ZMIZ2: variants seen among roughly 807,000 people sequenced by gnomAD.
The protein encoded by ZMIZ2 is zinc finger MIZ domain-containing protein 2.
In ZMIZ2, 26 loss-of-function variants were observed where a neutral mutation model predicts 93.9. The observed-to-expected ratio is 0.28, with a 90% CI of 0.20 to 0.38. The LOEUF (loss-of-function observed/expected upper bound fraction) is 0.38, where lower values mean the gene tolerates loss of function less well. Ranked by LOEUF, ZMIZ2 falls within the 10% of genes least tolerant of loss-of-function variation. The pLI, the probability that ZMIZ2 is intolerant of heterozygous loss-of-function variation, is 1.00. For missense variants in ZMIZ2, 1,023 were observed against 1,235.0 expected (o/e 0.83, Z 2.57); for synonymous variants, 485 against 516.4 (o/e 0.94, Z 0.82).
chr7:44,759,097 A>AAC (rs1554321208), intron 6 of ZMIZ2, among the ~76,000 whole-genome samples, 184 bp from the exon 7 acceptor site: 10 of 147,734 alleles, frequency 6.8e-5, no homozygotes, highest in African/African-American at 9.9e-5. Flanking sequence ...AAAAAAAAAA[A>AAC]AAAAAAAAAA....
At chr7:44,756,650 A>G (rs1790620508) in intron 3 of ZMIZ2, 111 bp downstream of exon 3, 2 of 1,187,562 alleles carry the variant, frequency 1.7e-6, no homozygotes, top group Admixed American at 2.0e-5. Flanking sequence ...AGGTGAGGAC[A>G]GAGAGGCTGA....
rs1366610886 is a variant in ZMIZ2 at position 44,760,193 on chromosome 7, G to A, written c.1036G>A (p.Gly346Ser). 2 of 1,613,578 alleles carry A rather than the reference G, an allele frequency of 1.2e-6. No individual in the cohort carries two copies. The highest frequency in any genetic ancestry group is 2.2e-5 in the South Asian group (2 of 91,064). ...CGGGCAGGGCGCCAGCTTCAACGGG[G>A]GCAGCGTCAGCTACAGCCAACCTGG... ...FNGQGASFNGGSVSYSQPGLS... is the reference protein window; with the variant it reads ...FNGQGASFNGSSVSYSQPGLS... Residue 346 changes from glycine (G) to serine (S), a missense_variant, in exon 8 of 19, where the codon GGC becomes AGC. By Grantham distance (56) the Gly-to-Ser change is moderately conservative. Coordinates refer to ENST00000309315, the MANE Select transcript of ZMIZ2 (RefSeq NM_031449.4).
chr7:44,760,302 G>A (rs926248632), intron 8 of ZMIZ2, 74 bp downstream of exon 8: 2 of 1,566,388 alleles, frequency 1.3e-6, no homozygotes, highest in Non-Finnish European at 1.7e-6. Flanking sequence ...GACCGGGCAG[G>A]CACCCCTGGG....
At chr7:44,755,770 C>T (rs1314918636) in intron 1 of ZMIZ2, among the ~76,000 whole-genome samples, 1 of 152,156 alleles carries the variant, frequency 6.6e-6, no homozygotes. Context: ...TCCTTCACCC[C>T]AGGGCCTTCT....
rs1791398663 is a variant in ZMIZ2 at position 44,763,438 on chromosome 7, C to T, written c.1860+25C>T. On this transcript the variant is annotated intron_variant, in intron 13 of 18. Coordinates refer to ENST00000309315, the MANE Select transcript of ZMIZ2 (RefSeq NM_031449.4). The surrounding 1 kb of genome is among the most constrained non-coding windows in gnomAD (Gnocchi z 5.6). ...GGTAGGTGGTTACTGCAGAGTCTTG[C>T]CGGAATTTGCTGCTGCTAAAATATC... 1 of 1,611,556 alleles carries T rather than the reference C, an allele frequency of 6.2e-7. No individual in the cohort carries two copies. Among genetic ancestry groups the T allele is most frequent in the East Asian group, 2.2e-5 (1 of 44,812 alleles).
intron 1 of ZMIZ2, among the ~76,000 whole-genome samples, chr7:44,753,961 T>C (rs1224775673): frequency 6.6e-6 from 1 of 152,224 alleles, no homozygotes; most frequent in Non-Finnish European, 1.5e-5. Flanking sequence ...TCTCGCACCT[T>C]TGTCAGACAT....
Position 44,756,546 on chromosome 7 carries a change from A to G in ZMIZ2, c.165+7A>G, listed in dbSNP as rs1245424790. On this transcript the variant is annotated splice_region_variant and intron_variant, in intron 3 of 18. Coordinates refer to ENST00000309315, the MANE Select transcript of ZMIZ2 (RefSeq NM_031449.4). ...CAACGCGACACAGAGCCAGGTAAGC[A>G]CCCACTGGTGCCCCACCCCCGAGCA... The G allele has an allele frequency of 6.2e-7, 1 of 1,613,812 alleles. No homozygotes were observed.
chr7:44,759,189 C>T (rs1404345049), intron 6 of ZMIZ2, 92 bp from the exon 7 acceptor site: 4 of 1,248,908 alleles, frequency 3.2e-6, no homozygotes, highest in Admixed American at 3.0e-5. Flanking sequence ...CTCCATTCCC[C>T]GAACCCTGCC....
Position 44,761,761 on chromosome 7 carries a change from A to T in ZMIZ2, c.1452A>T (p.Pro484=), listed in dbSNP as rs1283665812. ...HEDRQMNTNW[P]ASVQVSVNAT... ...ACCGGCAGATGAACACCAACTGGCC[A>T]GCCTCGGTGCAGGTCAGCGTCAATG... The change falls in exon 11 of 19, where the codon CCA becomes CCT. Residue 484 remains proline (P), a synonymous_variant. Coordinates refer to ENST00000309315, the MANE Select transcript of ZMIZ2 (RefSeq NM_031449.4). This position sits in a 1 kb window ranked among gnomAD's most constrained non-coding sequence, Gnocchi z 5.8. The T allele has an allele frequency of 6.2e-7, 1 of 1,614,002 alleles. No individual in the cohort carries two copies. The highest frequency in any genetic ancestry group is 8.5e-7 in the Non-Finnish European group (1 of 1,180,006).
Position 44,766,533 on chromosome 7 carries a change from C to A in ZMIZ2, c.2525C>A (p.Pro842Gln). 6.2e-7 allele frequency: 1 copy of A among 1,614,104 alleles called. No individual in the cohort carries two copies. The highest frequency in any genetic ancestry group is 8.5e-7 in the Non-Finnish European group (1 of 1,180,036). ...GPQLHHSNPP[P>Q]ASRQSLGQAS... The stretch of plus-strand genomic sequence containing the variant: ...CAGCTGCACCATTCAAACCCTCCCC[C>A]AGCGTCCCGGCAGTCCTTGGGCCAA... The change falls in exon 18 of 19, where the codon CCA (proline) becomes CAA (glutamine). Residue 842 changes from proline (P) to glutamine (Q), a missense_variant. This residue lies in a region of ZMIZ2 where 319 missense variants were observed against 358.8 expected (regional missense o/e 0.89). Coordinates refer to ENST00000309315, the MANE Select transcript of ZMIZ2 (RefSeq NM_031449.4). The surrounding 1 kb of genome is among the most constrained non-coding windows in gnomAD (Gnocchi z 4.4).
At position 44,764,484 on chromosome 7, in the gene ZMIZ2, C is replaced by T; in HGVS notation, c.1926C>T (p.Cys642=). Residue 642 remains cysteine (C), a splice_region_variant and synonymous_variant, in exon 14 of 19, where the codon TGC becomes TGT. Coordinates refer to ENST00000309315, the MANE Select transcript of ZMIZ2 (RefSeq NM_031449.4). The part of the protein sequence containing the change: ...CERGTWRCPV[C]NKTALLEGLE... ...GGGGGACTTGGAGGTGTCCTGTGTG[C>T]AAGTGAGTCTCAGATGCAGCGTGTG... is the stretch of plus-strand genomic sequence containing the variant. 6.2e-7 allele frequency: 1 copy of T among 1,614,118 alleles called. No homozygotes were observed. Among genetic ancestry groups the T allele is most frequent in the Non-Finnish European group, 8.5e-7 (1 of 1,179,994 alleles).
At position 44,763,394 on chromosome 7, in the gene ZMIZ2, A is replaced by G; in HGVS notation, c.1841A>G (p.His614Arg). Residue 614 changes from histidine to arginine, a missense_variant, in exon 13 of 19, where the codon CAT becomes CGT. Around this residue, in one of 3 missense-constraint regions of ZMIZ2, gnomAD observed 48 missense variants for 99.1 expected, o/e 0.48. Coordinates refer to ENST00000309315, the MANE Select transcript of ZMIZ2 (RefSeq NM_031449.4). The surrounding 1 kb of genome is among the most constrained non-coding windows in gnomAD (Gnocchi z 5.6). ...FRRIQLPARG[H>R]DCRHIQCFDL... Reference sequence around the variant, plus strand: ...AGGATCCAGCTCCCTGCCCGAGGTCATGACTGTCGCCACATACAGGTAGGT... The same window carrying G: ...AGGATCCAGCTCCCTGCCCGAGGTCGTGACTGTCGCCACATACAGGTAGGT... 1 of 1,614,070 alleles carries G rather than the reference A, an allele frequency of 6.2e-7. No homozygotes were observed. The highest frequency in any genetic ancestry group is 8.5e-7 in the Non-Finnish European group (1 of 1,179,998).
rs1026333581 is a variant in ZMIZ2, at chr7:44,765,158, G to A, written c.1997+149G>A. 25 of 1,435,940 alleles carry A rather than the reference G, an allele frequency of 1.7e-5. No homozygotes were observed. Among genetic ancestry groups the A allele is most frequent in the Non-Finnish European group, 2.4e-5 (25 of 1,051,738 alleles). 88.9% of individuals were successfully genotyped at this position (1,435,940 alleles called of 1,614,324 possible). A position where few individuals can be genotyped will look rare whatever the true frequency, so the allele number is the denominator to read the frequency against. Reference sequence around the variant, plus strand: ...ATTCCAGGCCAGAGACAGCGTGTGTGTCCTACCTGAGTGTTGGTGCTGGGC... The same window carrying A: ...ATTCCAGGCCAGAGACAGCGTGTGTATCCTACCTGAGTGTTGGTGCTGGGC... On this transcript the variant is annotated intron_variant, in intron 15 of 18. Coordinates refer to ENST00000309315, the MANE Select transcript of ZMIZ2 (RefSeq NM_031449.4). This position sits in a 1 kb window ranked among gnomAD's most constrained non-coding sequence, Gnocchi z 4.1.
Position 44,760,590 on chromosome 7 carries a change from T to C in ZMIZ2, c.1237T>C (p.Ser413Pro). 1 of 1,613,606 alleles carries C rather than the reference T, an allele frequency of 6.2e-7. No individual in the cohort carries two copies. The highest frequency in any genetic ancestry group is 8.5e-7 in the Non-Finnish European group (1 of 1,179,892). The change falls in exon 9 of 19, where the codon TCT (serine) becomes CCT (proline). Residue 413 changes from serine to proline, a missense_variant. Physicochemically the swap from Ser to Pro is moderately conservative, Grantham distance 74 (BLOSUM62 -1). This residue lies in a region of ZMIZ2 where 656 missense variants were observed against 777.1 expected (regional missense o/e 0.84). Coordinates refer to ENST00000309315, the MANE Select transcript of ZMIZ2 (RefSeq NM_031449.4). ...PNLNSLHSSP[S>P]GSGPCDELRL... ...CCTCAACTCCTTGCACTCATCGCCC[T>C]CTGGTAAGTCTGTCCACTCTTGGGA...
In ZMIZ2 at chr7:44,761,623, C is replaced by A. The variant is rs777210201; in HGVS notation, c.1385+30C>A. ...GCTCCGCCTGGCCCCCACCTGACCC[C>A]CACGAGGCTCTGTTCCTCCTCCCAC... On this transcript the variant is annotated intron_variant, in intron 10 of 18. Coordinates refer to ENST00000309315, the MANE Select transcript of ZMIZ2 (RefSeq NM_031449.4). The surrounding 1 kb of genome is among the most constrained non-coding windows in gnomAD (Gnocchi z 5.8). 1.2e-6 allele frequency: 2 copies of A among 1,613,558 alleles called. No individual in the cohort carries two copies. The highest frequency in any genetic ancestry group is 3.3e-5 in the Admixed American group (2 of 60,006).
intron 9 of ZMIZ2, among the ~76,000 whole-genome samples, chr7:44,760,833 A>G (rs1458981403): frequency 2.1e-5 from 3 of 145,804 alleles, no homozygotes; most frequent in African/African-American, 7.8e-5. Context: ...TGGGTCCCAA[A>G]GCAAGACCCT....
intron 11 of ZMIZ2, 145 bp from the exon 12 acceptor site, chr7:44,762,736 T>C (rs1791326444): frequency 1.5e-6 from 1 of 670,764 alleles, no homozygotes; most frequent in African/African-American, 1.8e-5. Flanking sequence ...GTTGGCTGAA[T>C]CCCCACCCCC....
chr7:44,765,306 G>A lies in ZMIZ2; in HGVS notation c.1998-29G>A. On this transcript the variant is annotated intron_variant, in intron 15 of 18. Coordinates refer to ENST00000309315, the MANE Select transcript of ZMIZ2 (RefSeq NM_031449.4). This position sits in a 1 kb window ranked among gnomAD's most constrained non-coding sequence, Gnocchi z 4.1. ...TGCCGGGCCAGCAGCAGGCCAGGAGGTAACCATTCCCCACCTGTCCCTGCC... is the reference window on the plus strand; with the variant it reads ...TGCCGGGCCAGCAGCAGGCCAGGAGATAACCATTCCCCACCTGTCCCTGCC... 6.2e-7 allele frequency: 1 copy of A among 1,608,260 alleles called. No individual in the cohort carries two copies. The highest frequency in any genetic ancestry group is 8.5e-7 in the Non-Finnish European group (1 of 1,176,776).
At chr7:44,760,627 C>G in intron 9 of ZMIZ2, 34 bp downstream of exon 9, 1 of 1,610,674 alleles carries the variant, frequency 6.2e-7, no homozygotes, top group Admixed American at 1.7e-5. Context: ...AGCGGGGTGA[C>G]AAGGCCAGGG....
Sources: gnomAD v4.1 joint callset for allele counts (sites outside exome capture counted in the v4.1 genomes callset) on GRCh38, gnomAD v4.1.1 for gene constraint, gnomAD v4.1.1 regional missense constraint, Gnocchi (gnomAD v3.1) non-coding constraint, MANE v1.5 for transcripts, NCBI Gene and HGNC (gene_info 2026-07-23, HGNC 2026-07-21) for gene names.